Variants in KRTAP1-4 observed in about 807,000 individuals in gnomAD.
KRTAP1-4 encodes keratin associated protein 1-4.
In KRTAP1-4, 5 loss-of-function variants were observed where a neutral mutation model predicts 8.6. That is an observed-to-expected ratio of 0.58 (90% CI 0.30 to 1.23). The LOEUF (loss-of-function observed/expected upper bound fraction) is 1.23, where lower values mean the gene tolerates loss of function less well. Among genes scored for constraint, KRTAP1-4 ranks in the 50% most tolerant of loss-of-function variants. The pLI, the probability that KRTAP1-4 is intolerant of heterozygous loss-of-function variation, is 0.07. For synonymous variants in KRTAP1-4, 50 were observed against 58.9 expected, an observed-to-expected ratio of 0.85 and a Z score of 0.69; for missense variants, 157 against 160.7, an observed-to-expected ratio of 0.98 and a Z score of 0.12.
In KRTAP1-4 at chr17:41,029,916, A is replaced by C. The variant is rs8074887; in HGVS notation, c.163T>G (p.Ser55Ala). The C allele has an allele frequency of 0.3, 484,246 of 1,602,332 alleles. 78,363 individuals carry two copies. Among genetic ancestry groups the C allele is most frequent in the African/African-American group, 0.51 (38,087 of 74,576 alleles). ...CACCACCTGATACGGGTGCTCACAG[A>C]TCCACCGCTGCCCTCCTGGCCATAG... ...IGYGQEGSGG[S>A]VSTRIRWCHP... is the part of the protein sequence containing the mutation. The change falls in exon 1 of 1, where the codon TCT (serine) becomes GCT (alanine). Residue 55 changes from serine (S) to alanine (A), a missense_variant. Coordinates refer to ENST00000377747, the MANE Select transcript of KRTAP1-4 (RefSeq NM_001257305.2).
In KRTAP1-4 at chr17:41,029,906, G is replaced by T. The variant is rs974652950; in HGVS notation, c.173C>A (p.Thr58Asn). The T allele has an allele frequency of 6.2e-7, 1 of 1,606,490 alleles. No homozygotes were observed. The highest frequency in any genetic ancestry group is 8.5e-7 in the Non-Finnish European group (1 of 1,177,652). Reference protein sequence around the residue: ...GQEGSGGSVSTRIRWCHPDCH... With the variant: ...GQEGSGGSVSNRIRWCHPDCH... ...ATCTGGGTGGCACCACCTGATACGGGTGCTCACAGATCCACCGCTGCCCTC... is the reference window on the plus strand; with the variant it reads ...ATCTGGGTGGCACCACCTGATACGGTTGCTCACAGATCCACCGCTGCCCTC... Residue 58 changes from threonine to asparagine, a missense_variant, in exon 1 of 1, where the codon ACC (threonine) becomes AAC (asparagine). By Grantham distance (65) the Thr-to-Asn change is moderately conservative. Coordinates refer to ENST00000377747, the MANE Select transcript of KRTAP1-4 (RefSeq NM_001257305.2).
At position 41,029,735 on chromosome 17, in the gene KRTAP1-4, T is replaced by TGGCAGCAGCAGGCTGGGC. The variant is rs1283753318; in HGVS notation, c.326_343dup (p.Arg109_Cys114dup). On this transcript the variant is annotated inframe_insertion, in exon 1 of 1. Transcript: ENST00000377747. The stretch of plus-strand genomic sequence containing the variant: ...CTTTTAGCAGGTGGGCTCACAGCAG[T>TGGCAGCAGCAGGCTGGGC]GGCAGCAGCAGGCTGGGCGGCAGCA... 1.3e-6 allele frequency: 2 copies of TGGCAGCAGCAGGCTGGGC among 1,566,296 alleles called. No individual in the cohort carries two copies. Among genetic ancestry groups the TGGCAGCAGCAGGCTGGGC allele is most frequent in the South Asian group, 1.2e-5 (1 of 82,478 alleles).
In KRTAP1-4 at chr17:41,030,093, G is replaced by A. The variant is rs191902267; in HGVS notation, c.-15C>T. The A allele has an allele frequency of 1.6e-4, 244 of 1,572,244 alleles. 1 individual carries two copies. In the Admixed American group the frequency reaches 4.5e-3, roughly 29 times the overall value. On this transcript the variant is annotated 5_prime_UTR_variant, in exon 1 of 1. Transcript: ENST00000377747. The stretch of plus-strand genomic sequence containing the variant: ...CAGCTGGCCATGGTGTCAGGAGTTG[G>A]GTTGAGAGCTGTGTTAAGAGAGGTT...
chr17:41,030,093 G>C lies in KRTAP1-4; in HGVS notation c.-15C>G, dbSNP rs191902267. 1.9e-5 allele frequency: 30 copies of C among 1,572,126 alleles called. No homozygotes were observed. In the Middle Eastern group the frequency reaches 6.7e-4, roughly 35 times the overall value. On this transcript the variant is annotated 5_prime_UTR_variant, in exon 1 of 1. Transcript: ENST00000377747. Reference sequence around the variant, plus strand: ...CAGCTGGCCATGGTGTCAGGAGTTGGGTTGAGAGCTGTGTTAAGAGAGGTT... The same window carrying C: ...CAGCTGGCCATGGTGTCAGGAGTTGCGTTGAGAGCTGTGTTAAGAGAGGTT...
chr17:41,029,644 G>C lies in KRTAP1-4; in HGVS notation c.*69C>G, dbSNP rs1462978527. The C allele has an allele frequency of 2.7e-6, 4 of 1,462,526 alleles. No homozygotes were observed. Among genetic ancestry groups the C allele is most frequent in the Admixed American group, 2.8e-5 (1 of 35,996 alleles). The allele number at this position is 1,462,526 out of a possible 1,614,324, so 90.6% of individuals were successfully genotyped here. On this transcript the variant is annotated 3_prime_UTR_variant, in exon 1 of 1. Transcript: ENST00000377747. ...CTTAGCATCCAAGTAAAATCGAACAGTTCTTCAGAAATCAGCACAATTTTG... is the reference window on the plus strand; with the variant it reads ...CTTAGCATCCAAGTAAAATCGAACACTTCTTCAGAAATCAGCACAATTTTG...
rs574588995 is a variant in KRTAP1-4, at chr17:41,029,411, G to T, written c.*302C>A. Among the ~76,000 whole-genome samples the T allele has an allele frequency of 1.4e-4, 21 of 152,332 alleles. No homozygotes were observed. The highest frequency in any genetic ancestry group is 4.3e-4 in the African/African-American group (18 of 41,572). ...ATCAGAGATATTCAAGGAAAAACCA[G>T]GTCTGAAGATGCATGAGCATCAAGA... On this transcript the variant is annotated 3_prime_UTR_variant, in exon 1 of 1. Coordinates refer to ENST00000377747, the MANE Select transcript of KRTAP1-4 (RefSeq NM_001257305.2).
Position 41,030,156 on chromosome 17 carries a change from A to G in KRTAP1-4, c.-78T>C. On this transcript the variant is annotated 5_prime_UTR_variant, in exon 1 of 1. Coordinates refer to ENST00000377747, the MANE Select transcript of KRTAP1-4 (RefSeq NM_001257305.2). Reference sequence around the variant, plus strand: ...CTGTACCTTCTATATCTGTCCTTTGATATGTTCCCTAGAGCTGCATATTTA... The same window carrying G: ...CTGTACCTTCTATATCTGTCCTTTGGTATGTTCCCTAGAGCTGCATATTTA... 2 of 1,531,806 alleles carry G rather than the reference A, an allele frequency of 1.3e-6. No individual in the cohort carries two copies. Among genetic ancestry groups the G allele is most frequent in the East Asian group, 4.9e-5 (2 of 40,644 alleles). The allele number at this position is 1,531,806 out of a possible 1,614,324, so 94.9% of individuals were successfully genotyped here. A position where few individuals can be genotyped will look rare whatever the true frequency, so the allele number is the denominator to read the frequency against.
At position 41,030,074 on chromosome 17, in the gene KRTAP1-4, G is replaced by A. The variant is rs774796061; in HGVS notation, c.5C>T (p.Ala2Val). ...ACAGGTCCCACTGGTGGAACAGCTGGCCATGGTGTCAGGAGTTGGGTTGAG... is the reference window on the plus strand; with the variant it reads ...ACAGGTCCCACTGGTGGAACAGCTGACCATGGTGTCAGGAGTTGGGTTGAG... M[A>V]SCSTSGTCGS... The change falls in exon 1 of 1, where the codon GCC (alanine) becomes GTC (valine). Residue 2 changes from alanine (A) to valine (V), a missense_variant. Physicochemically the swap from Ala to Val is moderately conservative, Grantham distance 64. Transcript: ENST00000377747. 1.3e-6 allele frequency: 2 copies of A among 1,588,620 alleles called. No individual in the cohort carries two copies. The highest frequency in any genetic ancestry group is 2.3e-5 in the South Asian group (2 of 87,414).
chr17:41,030,089 G>A lies in KRTAP1-4; in HGVS notation c.-11C>T, dbSNP rs1368201735. On this transcript the variant is annotated 5_prime_UTR_variant, in exon 1 of 1. Coordinates refer to ENST00000377747, the MANE Select transcript of KRTAP1-4 (RefSeq NM_001257305.2). ...GGAACAGCTGGCCATGGTGTCAGGA[G>A]TTGGGTTGAGAGCTGTGTTAAGAGA... 1 of 1,574,580 alleles carries A rather than the reference G, an allele frequency of 6.4e-7. No individual in the cohort carries two copies. Among genetic ancestry groups the A allele is most frequent in the African/African-American group, 1.3e-5 (1 of 74,106 alleles).
Position 41,029,850 on chromosome 17 carries a change from AG to A in KRTAP1-4, c.228del (p.Cys77AlafsTer4), listed in dbSNP as rs773983457. ...DCHVEGTCLP[P>X]CYLVSCTPPS... The stretch of plus-strand genomic sequence containing the variant: ...GGGGGTGTGCAGCTTACCAGGTAGC[AG>A]GGGGGCAGGCAGGTGCCCTCCACGT... On this transcript the variant is annotated frameshift_variant, in exon 1 of 1. Transcript: ENST00000377747. LOFTEE classifies it high-confidence loss of function. The A allele has an allele frequency of 5.6e-5, 90 of 1,610,012 alleles. No individual in the cohort carries two copies. Among genetic ancestry groups the A allele is most frequent in the South Asian group, 3.1e-4 (28 of 90,500 alleles).
Position 41,029,826 on chromosome 17 carries a change from G to T in KRTAP1-4, c.253C>A (p.Pro85Thr), listed in dbSNP as rs1334401219. The change falls in exon 1 of 1, where the codon CCA becomes ACA. Residue 85 changes from proline (P) to threonine (T), a missense_variant. By Grantham distance (38) the Pro-to-Thr change is conservative. Coordinates refer to ENST00000377747, the MANE Select transcript of KRTAP1-4 (RefSeq NM_001257305.2). Reference protein sequence around the residue: ...PPCYLVSCTPPSCCQLHHAEA... With the variant: ...PPCYLVSCTPTSCCQLHHAEA... The stretch of plus-strand genomic sequence containing the variant: ...GCGTGGTGCAGCTGGCAGCAGGATG[G>T]GGGTGTGCAGCTTACCAGGTAGCAG... 1 of 1,611,340 alleles carries T rather than the reference G, an allele frequency of 6.2e-7. No individual in the cohort carries two copies.
In KRTAP1-4 at chr17:41,029,938, A is replaced by T. The variant is rs1321027127; in HGVS notation, c.141T>A (p.Tyr47Ter). The T allele has an allele frequency of 6.2e-7, 1 of 1,609,332 alleles. No individual in the cohort carries two copies. The highest frequency in any genetic ancestry group is 8.5e-7 in the Non-Finnish European group (1 of 1,178,856). Residue 47 changes from tyrosine (Y) to a stop codon, truncating the protein, a stop_gained, in exon 1 of 1, where the codon TAT (tyrosine) becomes TAA (stop). Coordinates refer to ENST00000377747, the MANE Select transcript of KRTAP1-4 (RefSeq NM_001257305.2). LOFTEE classifies it high-confidence loss of function. ...TGCGIGGGIGYGQEGSGGSVS... is the reference protein window; with the variant it reads ...TGCGIGGGIG ...CAGATCCACCGCTGCCCTCCTGGCC[A>T]TAGCCAATGCCACCACCAATGCCAC...
chr17:41,030,036 A>T lies in KRTAP1-4; in HGVS notation c.43T>A (p.Cys15Ser), dbSNP rs773194277. The T allele has an allele frequency of 3.7e-6, 6 of 1,607,426 alleles. No individual in the cohort carries two copies. In the South Asian group the frequency reaches 6.7e-5, roughly 18 times the overall value. ...STSGTCGSSC[C>S]QPSCCETSCC... Reference sequence around the variant, plus strand: ...CTAGTTTCACAGCAGCTTGGCTGGCAGCAGCTGGAGCCACAGGTCCCACTG... The same window carrying T: ...CTAGTTTCACAGCAGCTTGGCTGGCTGCAGCTGGAGCCACAGGTCCCACTG... The change falls in exon 1 of 1, where the codon TGC becomes AGC. Residue 15 changes from cysteine to serine, a missense_variant. Cys to Ser is a moderately radical substitution (Grantham distance 112). Transcript: ENST00000377747.
At position 41,029,822 on chromosome 17, in the gene KRTAP1-4, G is replaced by T; in HGVS notation, c.257C>A (p.Ser86Tyr). Residue 86 changes from serine to tyrosine, a missense_variant, in exon 1 of 1, where the codon TCC becomes TAC. Physicochemically the swap from Ser to Tyr is moderately radical, Grantham distance 144 (BLOSUM62 -2). Coordinates refer to ENST00000377747, the MANE Select transcript of KRTAP1-4 (RefSeq NM_001257305.2). ...CTCGGCGTGGTGCAGCTGGCAGCAG[G>T]ATGGGGGTGTGCAGCTTACCAGGTA... ...PCYLVSCTPP[S>Y]CCQLHHAEAS... The T allele has an allele frequency of 6.2e-7, 1 of 1,611,612 alleles. No individual in the cohort carries two copies.
Position 41,030,171 on chromosome 17 carries a change from C to G in KRTAP1-4, c.-93G>C. 2 of 1,499,170 alleles carry G rather than the reference C, an allele frequency of 1.3e-6. No homozygotes were observed. The highest frequency in any genetic ancestry group is 1.8e-6 in the Non-Finnish European group (2 of 1,112,448). 92.9% of individuals were successfully genotyped at this position (1,499,170 alleles called of 1,614,324 possible). A position where few individuals can be genotyped will look rare whatever the true frequency, so the allele number is the denominator to read the frequency against. ...CTGTCCTTTGATATGTTCCCTAGAG[C>G]TGCATATTTACCCAACACCTTTTCT... is the stretch of plus-strand genomic sequence containing the variant. On this transcript the variant is annotated 5_prime_UTR_variant, in exon 1 of 1. Transcript: ENST00000377747.
chr17:41,030,009 A>G lies in KRTAP1-4; in HGVS notation c.70T>C (p.Cys24Arg). Residue 24 changes from cysteine to arginine, a missense_variant, in exon 1 of 1, where the codon TGC (cysteine) becomes CGC (arginine). Coordinates refer to ENST00000377747, the MANE Select transcript of KRTAP1-4 (RefSeq NM_001257305.2). ...GTCTGGCAGCAGCTTGGCTGGCAGC[A>G]GCTAGTTTCACAGCAGCTTGGCTGG... is the stretch of plus-strand genomic sequence containing the variant. ...CCQPSCCETS[C>R]CQPSCCQTSS... The G allele has an allele frequency of 6.2e-7, 1 of 1,611,158 alleles. No individual in the cohort carries two copies.
In KRTAP1-4 at chr17:41,029,927, C is replaced by G; in HGVS notation, c.152G>C (p.Gly51Ala). Residue 51 changes from glycine (G) to alanine (A), a missense_variant, in exon 1 of 1, where the codon GGC becomes GCC. Physicochemically the swap from Gly to Ala is moderately conservative, Grantham distance 60. Coordinates refer to ENST00000377747, the MANE Select transcript of KRTAP1-4 (RefSeq NM_001257305.2). ...IGGGIGYGQE[G>A]SGGSVSTRIR... ...ACGGGTGCTCACAGATCCACCGCTG[C>G]CCTCCTGGCCATAGCCAATGCCACC... is the stretch of plus-strand genomic sequence containing the variant. The G allele has an allele frequency of 6.2e-7, 1 of 1,607,796 alleles. No individual in the cohort carries two copies. Among genetic ancestry groups the G allele is most frequent in the East Asian group, 2.2e-5 (1 of 44,660 alleles).
At position 41,029,664 on chromosome 17, in the gene KRTAP1-4, A is replaced by G. The variant is rs753859338; in HGVS notation, c.*49T>C. The G allele has an allele frequency of 4.7e-6, 7 of 1,484,038 alleles. No homozygotes were observed. The Admixed American group carries it at 7.8e-5, about 17-fold the overall frequency. 91.9% of individuals were successfully genotyped at this position (1,484,038 alleles called of 1,614,324 possible). On this transcript the variant is annotated 3_prime_UTR_variant, in exon 1 of 1. Coordinates refer to ENST00000377747, the MANE Select transcript of KRTAP1-4 (RefSeq NM_001257305.2). ...GAACAGTTCTTCAGAAATCAGCACA[A>G]TTTTGCTGTGCTTCCCCTTTCATTC...
rs1329131233 is a variant in KRTAP1-4 at position 41,030,113 on chromosome 17, G to A, written c.-35C>T. 5 of 1,556,940 alleles carry A rather than the reference G, an allele frequency of 3.2e-6. No homozygotes were observed. The highest frequency in any genetic ancestry group is 1.2e-5 in the South Asian group (1 of 84,586). ...AGTTGGGTTGAGAGCTGTGTTAAGA[G>A]AGGTTTCTGAGTTTGGGCTGTACCT... On this transcript the variant is annotated 5_prime_UTR_variant, in exon 1 of 1. Coordinates refer to ENST00000377747, the MANE Select transcript of KRTAP1-4 (RefSeq NM_001257305.2).
Sources: gnomAD v4.1 joint callset for allele counts (sites outside exome capture counted in the v4.1 genomes callset) on GRCh38, gnomAD v4.1.1 for gene constraint, MANE v1.5 for transcripts, NCBI Gene and HGNC (gene_info 2026-07-23, HGNC 2026-07-21) for gene names.